The following SGO1 variants were observed in gnomAD, a reference collection of about 807,000 sequenced individuals.
SGO1 encodes serologically defined breast cancer antigen NY-BR-85.
Under a neutral mutation model 50.5 loss-of-function variants are expected in SGO1, and 39 were observed. The observed-to-expected ratio is 0.77, with a 90% CI of 0.60 to 1.01. The LOEUF is 1.01. Ranked by LOEUF, SGO1 falls within the 50% of genes least tolerant of loss-of-function variation. The pLI, the probability that SGO1 is intolerant of heterozygous loss-of-function variation, is 0.00. For synonymous variants in SGO1, 191 were observed against 205.1 expected (o/e 0.93, Z 0.59); for missense variants, 638 against 606.0 (o/e 1.05, Z -0.55).
rs761608382 is a variant in SGO1 at position 20,170,828 on chromosome 3, A to G, written c.1473-13T>C. On this transcript the variant is annotated splice_polypyrimidine_tract_variant and intron_variant, in intron 7 of 7. Transcript: ENST00000412997. ...TCTTCTCAGTTTCCTGTAAGAGTAA[A>G]AAGAGATCTCAGGCATAATGTAAGC... The G allele has an allele frequency of 3.2e-6, 5 of 1,585,020 alleles. No homozygotes were observed. The highest frequency in any genetic ancestry group is 4.3e-6 in the Non-Finnish European group (5 of 1,172,660).
At chr3:20,171,291 A>C in intron 6 of SGO1, 59 bp from the exon 7 acceptor site, 1 of 1,348,440 alleles carries the variant, frequency 7.4e-7, no homozygotes, top group Non-Finnish European at 1.0e-6. Context: ...AAAAACTTAA[A>C]TTGTACTCAA....
chr3:20,174,121 CAA>C (rs1701082172), intron 6 of SGO1, 126 bp downstream of exon 6: 2 of 755,338 alleles, frequency 2.6e-6, no homozygotes, highest in Admixed American at 2.7e-5. Context: ...TAACTTCCAC[CAA>C]AGAGAGACAG....
Position 20,161,701 on chromosome 3 carries a change from T to C in SGO1, c.1565-475A>G, listed in dbSNP as rs117895805. 1.2e-3 allele frequency among the ~76,000 whole-genome samples: 186 copies of C among 152,216 alleles called. 5 individuals are homozygous for C. The East Asian group carries it at 0.033, about 27-fold the overall frequency. On this transcript the variant is annotated intron_variant, in intron 8 of 8. Coordinates refer to the SGO1 transcript ENST00000263753. The stretch of plus-strand genomic sequence containing the variant: ...ATCAAAGCCCAACAATTACGAGATA[T>C]TGCATAAGGAGAGAATGGGAAAAAG...
At chr3:20,186,633 C>G, upstream of SGO1, 1 of 152,222 alleles carries the variant, frequency 6.6e-6, no homozygotes, top group East Asian at 1.9e-4. Flanking sequence ...AAAACCAAAA[C>G]AAGGAGCAAA....
At chr3:20,185,492 C>G (rs962452231) in intron 1 of SGO1, among the ~76,000 whole-genome samples, 1 of 152,150 alleles carries the variant, frequency 6.6e-6, no homozygotes, top group Non-Finnish European at 1.5e-5. Flanking sequence ...CTGTACAGTA[C>G]TCGTGTAAGC....
At chr3:20,173,531 C>T (rs1701017191) in intron 6 of SGO1, among the ~76,000 whole-genome samples, 1 of 152,164 alleles carries the variant, frequency 6.6e-6, no homozygotes, top group African/African-American at 2.4e-5. Flanking sequence ...TTTTAATCTC[C>T]TTACAAACAA....
At chr3:20,166,186 C>A (rs572704538), downstream of SGO1, among the ~76,000 whole-genome samples, 4 of 152,126 alleles carry the variant, frequency 2.6e-5, no homozygotes, top group South Asian at 4.1e-4. Flanking sequence ...AGGACACTAT[C>A]AACAGAGTAA....
chr3:20,169,243 C>A, downstream of SGO1: 1 of 985,084 alleles, frequency 1.0e-6, no homozygotes, highest in Non-Finnish European at 1.2e-6. Context: ...TAATCATGAA[C>A]TGGGAGATTA....
chr3:20,170,275 G>A lies in SGO1; in HGVS notation c.*429C>T, dbSNP rs1297537985. 7.0e-6 allele frequency: 3 copies of A among 428,008 alleles called. No individual in the cohort carries two copies. The highest frequency in any genetic ancestry group is 2.2e-5 in the African/African-American group (1 of 46,410). 26.5% of individuals were successfully genotyped at this position (428,008 alleles called of 1,614,324 possible). A position where few individuals can be genotyped will look rare whatever the true frequency, so the allele number is the denominator to read the frequency against. ...TAGCCGGGCGTAGTGGCACATGCCT[G>A]TAGTCCCAGCTACTCGGGAGTCTGA... On this transcript the variant is annotated 3_prime_UTR_variant, in exon 8 of 8. Transcript: ENST00000412997.
In SGO1 at chr3:20,178,279, C is replaced by A; in HGVS notation, c.408G>T (p.Lys136Asn). The change falls in exon 4 of 8, where the codon AAG (lysine) becomes AAT (asparagine). Residue 136 changes from lysine (K) to asparagine (N), a missense_variant. By Grantham distance (94) the Lys-to-Asn change is moderately conservative (BLOSUM62 0). Coordinates refer to ENST00000412997, the MANE Select transcript of SGO1 (RefSeq NM_001199251.3). ...AAGAATTTGATACTAACGGTAAATC[C>A]TTCACAAATAAATTTCTGGAGCTGT... ...SDDSSRNLFV[K>N]DLPQIPLEET... 6.2e-7 allele frequency: 1 copy of A among 1,607,752 alleles called. No individual in the cohort carries two copies. The highest frequency in any genetic ancestry group is 8.5e-7 in the Non-Finnish European group (1 of 1,174,660).
In SGO1 at chr3:20,183,811, G is replaced by C. The variant is rs1459150381; in HGVS notation, c.143-7C>G. On this transcript the variant is annotated splice_region_variant and splice_polypyrimidine_tract_variant and intron_variant, in intron 2 of 7. Coordinates refer to ENST00000412997, the MANE Select transcript of SGO1 (RefSeq NM_001199251.3). ...AGCAGTGTAGAAGTGTTGGCTAAAA[G>C]AGGATAAAAAAATTTATCAGTTATT... 3.1e-6 allele frequency: 5 copies of C among 1,601,732 alleles called. No individual in the cohort carries two copies. In the South Asian group the frequency reaches 4.6e-5, roughly 15 times the overall value.
rs1304732897 is a variant in SGO1 at position 20,169,558 on chromosome 3, A to G, written c.*1146T>C. The G allele has an allele frequency of 3.0e-6, 3 of 984,686 alleles. No individual in the cohort carries two copies. Among genetic ancestry groups the G allele is most frequent in the Non-Finnish European group, 1.2e-6 (1 of 829,328 alleles). The allele number at this position is 984,686 out of a possible 1,614,324, so 61.0% of individuals were successfully genotyped here. A position where few individuals can be genotyped will look rare whatever the true frequency, so the allele number is the denominator to read the frequency against. ...TCTAAAATTTAAAGAGGTATATACA[A>G]GTATAGACATCAAACTTTCTAAACT... On this transcript the variant is annotated 3_prime_UTR_variant, in exon 8 of 8. Coordinates refer to ENST00000412997, the MANE Select transcript of SGO1 (RefSeq NM_001199251.3).
intron 1 of SGO1, among the ~76,000 whole-genome samples, chr3:20,185,005 T>C (rs1044544821): frequency 2.0e-5 from 3 of 152,214 alleles, no homozygotes; most frequent in Admixed American, 6.5e-5. Context: ...TCCTCTACGA[T>C]AGTCAAATAT....
intron 3 of SGO1, among the ~76,000 whole-genome samples, chr3:20,181,457 A>G (rs1702010558): frequency 6.6e-6 from 1 of 152,224 alleles, no homozygotes; most frequent in Non-Finnish European, 1.5e-5. Flanking sequence ...GTGTACAATG[A>G]GGTTGAGAAT....
At chr3:20,178,998 A>G (rs1701709990) in intron 3 of SGO1, among the ~76,000 whole-genome samples, 1 of 152,222 alleles carries the variant, frequency 6.6e-6, no homozygotes, top group Non-Finnish European at 1.5e-5. Context: ...TCATCATTGC[A>G]TATCTGGCAA....
intron 1 of SGO1, among the ~76,000 whole-genome samples, chr3:20,184,481 C>T (rs1702394510): frequency 1.3e-5 from 2 of 152,178 alleles, no homozygotes; most frequent in South Asian, 2.1e-4. Context: ...TTTTCCAGCT[C>T]TTCTCTAATG....
chr3:20,178,445 G>A (rs1485264601), intron 3 of SGO1, 98 bp from the exon 4 acceptor site: 1 of 856,054 alleles, frequency 1.2e-6, no homozygotes, highest in East Asian at 2.4e-5. Flanking sequence ...GTCTATCATG[G>A]TGCCATGCCA....
Position 20,183,928 on chromosome 3 carries a change from C to T in SGO1, c.100G>A (p.Gly34Ser). 6.2e-7 allele frequency: 1 copy of T among 1,612,714 alleles called. No individual in the cohort carries two copies. The highest frequency in any genetic ancestry group is 8.5e-7 in the Non-Finnish European group (1 of 1,179,690). ...EKRNKNLAEIGKRRSFIAAPC... is the reference protein window; with the variant it reads ...EKRNKNLAEISKRRSFIAAPC... ...GCAGCTATAAAAGACCTGCGTTTGC[C>T]AATCTCTGCCAAGTTTTTATTCCTT... The change falls in exon 2 of 8, where the codon GGC becomes AGC. Residue 34 changes from glycine to serine, a missense_variant. Gly to Ser is a moderately conservative substitution (Grantham distance 56). Coordinates refer to ENST00000412997, the MANE Select transcript of SGO1 (RefSeq NM_001199251.3).
chr3:20,180,122 T>C (rs913477718), intron 3 of SGO1, among the ~76,000 whole-genome samples: 3 of 151,998 alleles, frequency 2.0e-5, no homozygotes, highest in African/African-American at 7.3e-5. Flanking sequence ...CATAGTGAGA[T>C]GGTCTCCACA....
Sources: gnomAD v4.1 joint callset for allele counts (sites outside exome capture counted in the v4.1 genomes callset) on GRCh38, gnomAD v4.1.1 for gene constraint, MANE v1.5 for transcripts, NCBI Gene and HGNC (gene_info 2026-07-23, HGNC 2026-07-21) for gene names.